SIL1: variants seen among roughly 807,000 people sequenced by gnomAD.
The protein encoded by SIL1 is nucleotide exchange factor SIL1.
In SIL1, 40 loss-of-function variants were observed where a neutral mutation model predicts 49.1. The ratio of observed to expected loss-of-function variants is 0.81; its 90% CI spans 0.63 to 1.06. SIL1 has a LOEUF of 1.06. Among genes scored for constraint, SIL1 ranks in the 50% least tolerant of loss-of-function variants. The probability of loss-of-function intolerance (pLI) is 0.00; values close to 1 mark genes in which losing one functional copy is unlikely to be tolerated. For missense variants in SIL1, 500 were observed against 572.6 expected, an observed-to-expected ratio of 0.87 and a Z score of 1.29; for synonymous variants, 253 against 250.8, an observed-to-expected ratio of 1.01 and a Z score of -0.08.
intron 1 of SIL1, among the ~76,000 whole-genome samples, chr5:139,192,997 CAAAA>C (rs60150903): frequency 1.3e-5 from 1 of 79,028 alleles, no homozygotes; most frequent in Non-Finnish European, 2.2e-5. Flanking sequence ...AACTCAGTCT[CAAAA>C]AAAAAAAAAA....
intron 7 of SIL1, among the ~76,000 whole-genome samples, chr5:139,004,434 A>C (rs182040999): frequency 3.0e-4 from 46 of 152,330 alleles, no homozygotes; most frequent in Non-Finnish European, 5.3e-4. Context: ...AGAGGTTTGG[A>C]AAAGTATCAG....
At position 138,947,624 on chromosome 5, in the gene SIL1, T is replaced by A. The variant is rs1766665694; in HGVS notation, c.1030-151A>T. Reference sequence around the variant, plus strand: ...GCCCACCTCTTCCTCTATCCCCAAGTCTGTCTGTCTATTCATTCATTCATC... The same window carrying A: ...GCCCACCTCTTCCTCTATCCCCAAGACTGTCTGTCTATTCATTCATTCATC... On this transcript the variant is annotated intron_variant, in intron 9 of 9. Transcript: ENST00000394817. This position sits in a 1 kb window ranked among gnomAD's most constrained non-coding sequence, Gnocchi z 4.1. 1.5e-6 allele frequency: 1 copy of A among 681,074 alleles called. No homozygotes were observed. The highest frequency in any genetic ancestry group is 1.8e-5 in the African/African-American group (1 of 56,792). The allele number at this position is 681,074 out of a possible 1,614,324, so 42.2% of individuals were successfully genotyped here.
At chr5:139,121,260 T>G in intron 2 of SIL1, 87 bp from the exon 3 acceptor site, 1 of 1,563,558 alleles carries the variant, frequency 6.4e-7, no homozygotes, top group Non-Finnish European at 8.8e-7. Flanking sequence ...CACGTTCTTT[T>G]CCTCCATGCC....
chr5:138,969,082 G>C (rs1434045383), intron 7 of SIL1, among the ~76,000 whole-genome samples: 1 of 152,114 alleles, frequency 6.6e-6, no homozygotes, highest in African/African-American at 2.4e-5. Flanking sequence ...ACAAAGAGAA[G>C]TTTATATATA....
chr5:139,003,034 A>G (rs1022234156), intron 7 of SIL1, among the ~76,000 whole-genome samples: 16 of 152,174 alleles, frequency 1.1e-4, no homozygotes, highest in Non-Finnish European at 2.2e-4. Flanking sequence ...GGTGGAAACA[A>G]TAACAAGGTT....
chr5:139,116,345 C>T (rs1369470431), intron 3 of SIL1, among the ~76,000 whole-genome samples: 3 of 152,066 alleles, frequency 2.0e-5, no homozygotes, highest in African/African-American at 7.2e-5. Context: ...TGAACGTGTT[C>T]CTGCACAGGC....
At chr5:139,096,962 G>C (rs996914922) in intron 3 of SIL1, among the ~76,000 whole-genome samples, 1 of 152,018 alleles carries the variant, frequency 6.6e-6, no homozygotes, top group African/African-American at 2.4e-5. Context: ...AGCCCACTGC[G>C]CTGAAGGGTG....
chr5:139,043,649 C>T (rs1158868445), intron 4 of SIL1, among the ~76,000 whole-genome samples: 1 of 152,186 alleles, frequency 6.6e-6, no homozygotes, highest in Non-Finnish European at 1.5e-5. Context: ...TGGCTATAAT[C>T]TCAGGAACCT....
intron 1 of SIL1, among the ~76,000 whole-genome samples, chr5:139,176,928 T>C (rs1041443891): frequency 5.4e-5 from 3 of 55,932 alleles, no homozygotes; most frequent in Admixed American, 4.7e-4. Flanking sequence ...GCTGAGATTC[T>C]TTTTTTTTTT....
At chr5:139,081,793 C>T (rs187568634) in intron 3 of SIL1, among the ~76,000 whole-genome samples, 31 of 152,040 alleles carry the variant, frequency 2.0e-4, no homozygotes, top group African/African-American at 6.3e-4. Flanking sequence ...GCAGGAGAAT[C>T]GCTTGAACCC....
At chr5:139,099,555 A>T (rs1248231419) in intron 3 of SIL1, among the ~76,000 whole-genome samples, 4 of 152,192 alleles carry the variant, frequency 2.6e-5, no homozygotes, top group Non-Finnish European at 4.4e-5. Flanking sequence ...ATGGATTTTT[A>T]AAAATGTGGT....
At chr5:138,984,236 C>T (rs1267359007) in intron 7 of SIL1, among the ~76,000 whole-genome samples, 1 of 151,828 alleles carries the variant, frequency 6.6e-6, no homozygotes, top group Non-Finnish European at 1.5e-5. Context: ...GGCTCAAGTA[C>T]AAAAGAGGAA....
intron 3 of SIL1, among the ~76,000 whole-genome samples, chr5:139,083,158 G>C (rs545736894): frequency 6.6e-6 from 1 of 152,182 alleles, no homozygotes; most frequent in Non-Finnish European, 1.5e-5. Context: ...GGAGGGGAAG[G>C]GGAATATAAG....
intron 1 of SIL1, among the ~76,000 whole-genome samples, chr5:139,135,978 A>G (rs923099933): frequency 1.3e-5 from 2 of 152,064 alleles, no homozygotes; most frequent in Non-Finnish European, 2.9e-5. Context: ...GAGACAGGAG[A>G]ATCTCTTGAA....
At chr5:139,036,215 T>C (rs1402024215) in intron 5 of SIL1, among the ~76,000 whole-genome samples, 1 of 152,220 alleles carries the variant, frequency 6.6e-6, no homozygotes, top group African/African-American at 2.4e-5. Context: ...ATCTTCGTCA[T>C]GAAATCTTTG....
At chr5:138,951,464 T>G in intron 8 of SIL1, 129 bp from the exon 9 acceptor site, 1 of 951,240 alleles carries the variant, frequency 1.1e-6, no homozygotes, top group Non-Finnish European at 1.6e-6. Flanking sequence ...GTTACAGCTA[T>G]ACCCCAGAAC....
intron 7 of SIL1, among the ~76,000 whole-genome samples, chr5:138,970,943 C>G (rs956350413): frequency 6.6e-6 from 1 of 151,580 alleles, no homozygotes; most frequent in African/African-American, 2.4e-5. Context: ...CAGAGAAGAA[C>G]TTTGATTGGT....
At chr5:139,074,885 G>A (rs1322627431) in intron 3 of SIL1, among the ~76,000 whole-genome samples, 1 of 152,018 alleles carries the variant, frequency 6.6e-6, no homozygotes, top group Non-Finnish European at 1.5e-5. Context: ...CAGTGCAATG[G>A]CACAATCTTG....
chr5:138,972,884 C>T (rs866087309), intron 7 of SIL1, among the ~76,000 whole-genome samples: 2 of 152,176 alleles, frequency 1.3e-5, no homozygotes, highest in African/African-American at 2.4e-5. Context: ...CCAGGACAAA[C>T]GGGTCCTGGG....
Sources: gnomAD v4.1 joint callset for allele counts (sites outside exome capture counted in the v4.1 genomes callset) on GRCh38, gnomAD v4.1.1 for gene constraint, Gnocchi (gnomAD v3.1) non-coding constraint, MANE v1.5 for transcripts, NCBI Gene and HGNC (gene_info 2026-07-23, HGNC 2026-07-21) for gene names.